Variants in RICTOR observed in about 807,000 individuals in gnomAD.
The protein encoded by RICTOR is RPTOR independent companion of MTOR complex 2, also known as rapamycin-insensitive companion of mTOR.
In RICTOR, 49 loss-of-function variants were observed where a neutral mutation model predicts 214.9. The observed-to-expected ratio is 0.23, with a 90% CI of 0.18 to 0.29. The LOEUF (loss-of-function observed/expected upper bound fraction) is 0.29, where lower values mean the gene tolerates loss of function less well. Ranked by LOEUF, RICTOR falls within the 10% of genes least tolerant of loss-of-function variation. The probability of loss-of-function intolerance (pLI) is 1.00; values close to 1 mark genes in which losing one functional copy is unlikely to be tolerated. For synonymous variants in RICTOR, 717 were observed against 711.3 expected, an observed-to-expected ratio of 1.01 and a Z score of -0.13; for missense variants, 1,625 against 2,047.0, an observed-to-expected ratio of 0.79 and a Z score of 3.98.
chr5:38,967,280 T>C, intron 13 of RICTOR, 53 bp from the exon 14 acceptor site: 1 of 1,594,374 alleles, frequency 6.3e-7, no homozygotes, highest in Non-Finnish European at 8.6e-7. Flanking sequence ...GATTACACAG[T>C]CTAACATAAA....
intron 12 of RICTOR, 141 bp from the exon 13 acceptor site, chr5:38,967,568 A>G: frequency 1.6e-6 from 1 of 631,526 alleles, no homozygotes; most frequent in East Asian, 2.8e-5. Context: ...AGATACAGAC[A>G]AAAATTAGTT....
rs747782861 is a variant in RICTOR at position 38,952,307 on chromosome 5, C to T, written c.3016G>A (p.Asp1006Asn). 1.4e-5 allele frequency: 22 copies of T among 1,612,320 alleles called. No homozygotes were observed. Among genetic ancestry groups the T allele is most frequent in the Non-Finnish European group, 1.8e-5 (21 of 1,178,738 alleles). The change falls in exon 30 of 38, where the codon GAT (aspartate) becomes AAT (asparagine). Residue 1006 changes from aspartate to asparagine, a missense_variant. Asp to Asn is a conservative substitution (Grantham distance 23). This residue lies in a region of RICTOR where 1,214 missense variants were observed against 1,470.5 expected (regional missense o/e 0.83). Coordinates refer to ENST00000357387, the MANE Select transcript of RICTOR (RefSeq NM_152756.5). ...TCATTACAGAGTTGTTCCACATCAT[C>T]TGGAACCACTGGCCACAGATGTTTG... ...SRKHLWPVVP[D>N]DVEQLCNELS...
At position 39,039,686 on chromosome 5, in the gene RICTOR, C is replaced by T. The variant is rs553676617; in HGVS notation, c.98-18550G>A. 6.9e-3 allele frequency among the ~76,000 whole-genome samples: 1,057 copies of T among 152,296 alleles called. 13 individuals carry two copies. Among genetic ancestry groups the T allele is most frequent in the African/African-American group, 0.023 (937 of 41,560 alleles). ...TGAACAGACACTTCTCAAAAGAAGACATTTATGCAGCCAAAAAACACATGA... is the reference window on the plus strand; with the variant it reads ...TGAACAGACACTTCTCAAAAGAAGATATTTATGCAGCCAAAAAACACATGA... On this transcript the variant is annotated intron_variant, in intron 2 of 37. Transcript: ENST00000357387.
intron 3 of RICTOR, among the ~76,000 whole-genome samples, chr5:39,020,518 T>C (rs1199060828): frequency 6.6e-6 from 1 of 152,226 alleles, no homozygotes; most frequent in Non-Finnish European, 1.5e-5. Context: ...TTAATCAATA[T>C]TTTTAAATTA....
chr5:39,052,501 A>T (rs760138504), intron 2 of RICTOR, among the ~76,000 whole-genome samples: 1 of 152,222 alleles, frequency 6.6e-6, no homozygotes, highest in African/African-American at 2.4e-5. Context: ...TCATAATCCT[A>T]GGGTTATCTG....
chr5:38,991,418 T>C (rs1201888430), intron 6 of RICTOR, among the ~76,000 whole-genome samples: 4 of 152,108 alleles, frequency 2.6e-5, no homozygotes, highest in Non-Finnish European at 2.9e-5. Flanking sequence ...GAGGGGACAA[T>C]AGTAGTCAAT....
In RICTOR at chr5:38,942,457, T is replaced by A. The variant is rs1747676338; in HGVS notation, c.5053-79A>T. 2.2e-5 allele frequency: 17 copies of A among 771,262 alleles called. No homozygotes were observed. The South Asian group carries it at 4.4e-4, about 20-fold the overall frequency. 47.8% of individuals were successfully genotyped at this position (771,262 alleles called of 1,614,324 possible). On this transcript the variant is annotated intron_variant, in intron 37 of 37. Transcript: ENST00000357387. ...CATATTTATATAAATATCTAATTTTTTTTTTTTTTTGAGATAGGGTCTTGC... is the reference window on the plus strand; with the variant it reads ...CATATTTATATAAATATCTAATTTTATTTTTTTTTTGAGATAGGGTCTTGC...
chr5:39,002,326 G>C lies in RICTOR; in HGVS notation c.392+209C>G, dbSNP rs575161441. Among the ~76,000 whole-genome samples, 10 of 152,006 alleles carry C rather than the reference G, an allele frequency of 6.6e-5. No homozygotes were observed. The East Asian group carries it at 1.4e-3, about 21-fold the overall frequency. The stretch of plus-strand genomic sequence containing the variant: ...TCAGAATAATGTTTACAACTGATTG[G>C]AGATGTAACAGAGCTTTACTGGGAT... On this transcript the variant is annotated intron_variant, in intron 5 of 37. Coordinates refer to ENST00000357387, the MANE Select transcript of RICTOR (RefSeq NM_152756.5).
At chr5:39,052,551 T>G (rs1048920152) in intron 2 of RICTOR, among the ~76,000 whole-genome samples, 1 of 152,200 alleles carries the variant, frequency 6.6e-6, no homozygotes, top group Non-Finnish European at 1.5e-5. Context: ...AAAGGTAAAC[T>G]GTAGTTGATC....
chr5:39,012,385 G>T (rs1378166413), intron 3 of RICTOR, among the ~76,000 whole-genome samples: 1 of 152,132 alleles, frequency 6.6e-6, no homozygotes, highest in South Asian at 2.1e-4. Flanking sequence ...GTGGAACTGT[G>T]AGTCAATTAA....
intron 7 of RICTOR, among the ~76,000 whole-genome samples, chr5:38,990,047 T>C (rs1752469160): frequency 6.6e-6 from 1 of 152,142 alleles, no homozygotes; most frequent in Non-Finnish European, 1.5e-5. Flanking sequence ...CACACATGTG[T>C]TTATTGCAGC....
intron 4 of RICTOR, among the ~76,000 whole-genome samples, 166 bp from the exon 5 acceptor site, chr5:39,002,832 AT>A (rs1036265495): frequency 2.4e-4 from 37 of 152,236 alleles, no homozygotes; most frequent in African/African-American, 7.9e-4. Context: ...AAGCCACACA[AT>A]TTCACTTAGT....
intron 2 of RICTOR, among the ~76,000 whole-genome samples, chr5:39,058,932 T>C (rs1250535616): frequency 6.6e-6 from 1 of 152,154 alleles, no homozygotes; most frequent in East Asian, 1.9e-4. Flanking sequence ...TATCTAGACA[T>C]ATTATTAACT....
At chr5:38,972,339 T>G (rs545183433) in intron 10 of RICTOR, among the ~76,000 whole-genome samples, 1 of 152,224 alleles carries the variant, frequency 6.6e-6, no homozygotes, top group Non-Finnish European at 1.5e-5. Flanking sequence ...TTGGCATTTA[T>G]TAAAGTTCAA....
At chr5:38,956,681 T>C (rs1281332635) in intron 25 of RICTOR, among the ~76,000 whole-genome samples, 1 of 152,150 alleles carries the variant, frequency 6.6e-6, no homozygotes, top group Non-Finnish European at 1.5e-5. Context: ...TGCATGTAAC[T>C]TTGTTATAGC....
At chr5:39,004,538 C>A (rs1483876901) in intron 3 of RICTOR, among the ~76,000 whole-genome samples, 1 of 151,664 alleles carries the variant, frequency 6.6e-6, no homozygotes, top group African/African-American at 2.4e-5. Context: ...GAGATCACTG[C>A]AACCTCTGCC....
intron 7 of RICTOR, among the ~76,000 whole-genome samples, chr5:38,984,575 T>TA (rs1175721931): frequency 6.6e-6 from 1 of 152,180 alleles, no homozygotes. Context: ...TAAATTTCCC[T>TA]AATCACAGTT....
At chr5:39,057,061 T>C (rs1335301282) in intron 2 of RICTOR, among the ~76,000 whole-genome samples, 1 of 152,194 alleles carries the variant, frequency 6.6e-6, no homozygotes, top group African/African-American at 2.4e-5. Context: ...GCTCAATGTA[T>C]TATTTTCAAA....
At chr5:39,025,052 T>A (rs189720616) in intron 2 of RICTOR, among the ~76,000 whole-genome samples, 88 of 152,178 alleles carry the variant, frequency 5.8e-4, no homozygotes, top group Non-Finnish European at 1.1e-3. Context: ...AACTGACAGG[T>A]GATGATAACT....
Sources: gnomAD v4.1 joint callset for allele counts (sites outside exome capture counted in the v4.1 genomes callset) on GRCh38, gnomAD v4.1.1 for gene constraint, gnomAD v4.1.1 regional missense constraint, MANE v1.5 for transcripts, NCBI Gene and HGNC (gene_info 2026-07-23, HGNC 2026-07-21) for gene names.